The following PCDHA10 variants were observed in gnomAD, a reference collection of about 807,000 sequenced individuals.
The protein encoded by PCDHA10 is protocadherin alpha-10.
A neutral mutation model predicts 61.2 loss-of-function variants in PCDHA10; 45 were observed. The ratio of observed to expected loss-of-function variants is 0.74; its 90% CI spans 0.58 to 0.94. PCDHA10 has a LOEUF of 0.94. Ranked by LOEUF, PCDHA10 falls within the 40% of genes least tolerant of loss-of-function variation. The probability of loss-of-function intolerance (pLI) is 0.00; values close to 1 mark genes in which losing one functional copy is unlikely to be tolerated. For missense variants in PCDHA10, 1,278 were observed against 1,236.2 expected, an observed-to-expected ratio of 1.03 and a Z score of -0.51; for synonymous variants, 602 against 548.8, an observed-to-expected ratio of 1.10 and a Z score of -1.35.
chr5:140,891,409 C>A (rs1295005747), intron 1 of PCDHA10, among the ~76,000 whole-genome samples: 1 of 148,202 alleles, frequency 6.7e-6, no homozygotes. Flanking sequence ...CGCCACCCCC[C>A]ACTCTTGCCC....
intron 1 of PCDHA10, among the ~76,000 whole-genome samples, chr5:140,913,266 T>C (rs1458769816): frequency 1.3e-5 from 2 of 152,176 alleles, no homozygotes; most frequent in Non-Finnish European, 2.9e-5. Flanking sequence ...TCTAATTACT[T>C]GTTATTGGTC....
At chr5:140,950,452 C>A (rs1030639288) in intron 1 of PCDHA10, among the ~76,000 whole-genome samples, 12 of 151,888 alleles carry the variant, frequency 7.9e-5, no homozygotes, top group African/African-American at 2.7e-4. Context: ...ATTCTACTGT[C>A]TTCTAATGCT....
At chr5:141,003,181 C>T (rs564008062) in intron 3 of PCDHA10, among the ~76,000 whole-genome samples, 8 of 152,328 alleles carry the variant, frequency 5.3e-5, no homozygotes, top group African/African-American at 1.7e-4. Flanking sequence ...AGGCTCAACT[C>T]CATCAACTCA....
At chr5:140,865,760 G>A (rs1470653142) in intron 1 of PCDHA10, 1 of 152,154 alleles carries the variant, frequency 6.6e-6, no homozygotes, top group African/African-American at 2.4e-5. Flanking sequence ...AGTACATGGT[G>A]GAGATATTAT....
chr5:140,952,041 T>C (rs1202542852), intron 1 of PCDHA10, among the ~76,000 whole-genome samples: 1 of 152,108 alleles, frequency 6.6e-6, no homozygotes, highest in African/African-American at 2.4e-5. Flanking sequence ...AGTAGGGCAG[T>C]TATTAAATCT....
rs1274160852 is a variant in PCDHA10, at chr5:140,922,009, TA to T, written c.2389-56933del. On this transcript the variant is annotated intron_variant, in intron 1 of 3. Coordinates refer to ENST00000307360, the MANE Select transcript of PCDHA10 (RefSeq NM_018901.4). ...AAAGAGTTCAATGAAATGATTAGTTTAAAAAAATAAATATAAAAAATGTAAT... is the reference window on the plus strand; with the variant it reads ...AAAGAGTTCAATGAAATGATTAGTTTAAAAAATAAATATAAAAAATGTAAT... 1.3e-5 allele frequency among the ~76,000 whole-genome samples: 2 copies of T among 152,076 alleles called. 1 individual carries two copies. The highest frequency in any genetic ancestry group is 4.8e-5 in the African/African-American group (2 of 41,508).
At chr5:140,882,950 C>A in intron 1 of PCDHA10, 1 of 1,614,216 alleles carries the variant, frequency 6.2e-7, no homozygotes, top group Non-Finnish European at 8.5e-7. Context: ...CACAGTTCAG[C>A]TGCTCATCAC....
intron 1 of PCDHA10, chr5:140,927,671 C>T (rs2084485955): frequency 6.2e-7 from 1 of 1,614,198 alleles, no homozygotes; most frequent in Non-Finnish European, 8.5e-7. Context: ...GCCTTGGATC[C>T]AGATGAAGGG....
intron 1 of PCDHA10, among the ~76,000 whole-genome samples, chr5:140,974,566 C>T (rs2096631979): frequency 6.6e-6 from 1 of 152,138 alleles, no homozygotes; most frequent in African/African-American, 2.4e-5. Context: ...GGCTGGAGTG[C>T]AATGGCATGA....
At chr5:140,908,692 C>G (rs2074096551) in intron 1 of PCDHA10, among the ~76,000 whole-genome samples, 1 of 152,208 alleles carries the variant, frequency 6.6e-6, no homozygotes, top group South Asian at 2.1e-4. Context: ...CTGCCACTGA[C>G]ACCTCAAGCA....
intron 3 of PCDHA10, among the ~76,000 whole-genome samples, chr5:140,998,057 A>G (rs2097795221): frequency 1.3e-5 from 2 of 152,294 alleles, no homozygotes; most frequent in South Asian, 4.1e-4. Flanking sequence ...TGACATCATC[A>G]TCAACAGACT....
intron 1 of PCDHA10, chr5:140,968,530 A>G (rs1554230830): frequency 6.2e-7 from 1 of 1,614,174 alleles, no homozygotes; most frequent in East Asian, 2.2e-5. Context: ...CCAACTCGTC[A>G]GCAGCCTTCG....
intron 1 of PCDHA10, among the ~76,000 whole-genome samples, chr5:140,878,898 G>A (rs2057763490): frequency 6.6e-6 from 1 of 152,154 alleles, no homozygotes; most frequent in South Asian, 2.1e-4. Flanking sequence ...ACTACAGGCA[G>A]GCTCCACCAC....
chr5:140,860,827 T>G (rs1554153817), intron 1 of PCDHA10: 6 of 152,210 alleles, frequency 3.9e-5, no homozygotes, highest in Admixed American at 2.6e-4. Context: ...AAGCTCCGCC[T>G]CCCAGGTTCA....
chr5:140,906,965 G>T (rs1273243518), intron 1 of PCDHA10, among the ~76,000 whole-genome samples: 1 of 152,124 alleles, frequency 6.6e-6, no homozygotes, highest in Non-Finnish European at 1.5e-5. Flanking sequence ...ATGGAATCGT[G>T]GTTGTGTCTT....
At chr5:140,941,253 T>TTCTTTCTTTCTC (rs1563187863) in intron 1 of PCDHA10, among the ~76,000 whole-genome samples, 4 of 64,962 alleles carry the variant, frequency 6.2e-5, no homozygotes, top group Non-Finnish European at 1.0e-4. Flanking sequence ...CTTTCTTTCT[T>TTCTTTCTTTCTC]TCTCTTTCTT....
At position 140,856,108 on chromosome 5, in the gene PCDHA10, C is replaced by T. The variant is rs782347472; in HGVS notation, c.60C>T (p.Leu20=). 109 of 1,597,910 alleles carry T rather than the reference C, an allele frequency of 6.8e-5. 10 individuals are homozygous for T. The highest frequency in any genetic ancestry group is 9.3e-5 in the Non-Finnish European group (109 of 1,167,634). ...VQCLLLSLLL[L]AAWEVGSGQL... ...GTCTGCTGCTCTCGCTTCTTCTCCT[C>T]GCAGCCTGGGAGGTGGGGAGCGGCC... Residue 20 remains leucine, a synonymous_variant, in exon 1 of 4, where the codon CTC becomes CTT. Transcript: ENST00000307360.
chr5:140,929,414 A>C, intron 1 of PCDHA10: 1 of 1,504,422 alleles, frequency 6.6e-7, no homozygotes. Flanking sequence ...GCCTTTCACA[A>C]CATTTCATCA....
chr5:140,922,595 A>G (rs1554200883), intron 1 of PCDHA10, among the ~76,000 whole-genome samples: 1 of 152,216 alleles, frequency 6.6e-6, no homozygotes, highest in Non-Finnish European at 1.5e-5. Context: ...AGTTCTCATC[A>G]GTTGAAGATA....
Sources: gnomAD v4.1 joint callset for allele counts (sites outside exome capture counted in the v4.1 genomes callset) on GRCh38, gnomAD v4.1.1 for gene constraint, MANE v1.5 for transcripts, NCBI Gene and HGNC (gene_info 2026-07-23, HGNC 2026-07-21) for gene names.